The following GLIS3 variants were observed in gnomAD, a reference collection of about 807,000 sequenced individuals.
GLIS3 encodes zinc finger protein GLIS3.
GLIS3 carries 53 observed loss-of-function variants against 78.6 expected under a neutral mutation model. That is an observed-to-expected ratio of 0.67 (90% CI 0.54 to 0.85). The LOEUF (loss-of-function observed/expected upper bound fraction) is 0.85. GLIS3 is among the 40% of genes least tolerant of loss of function. GLIS3 has a pLI of 0.00. For missense variants in GLIS3, 1,703 were observed against 1,231.1 expected, an observed-to-expected ratio of 1.38 and a Z score of -5.74; for synonymous variants, 684 against 509.9, an observed-to-expected ratio of 1.34 and a Z score of -4.60.
At chr9:4,335,722 A>G (rs1007401121) in intron 2 of GLIS3, among the ~76,000 whole-genome samples, 2 of 152,176 alleles carry the variant, frequency 1.3e-5, no homozygotes, top group Non-Finnish European at 2.9e-5. Context: ...GACCTCTCTT[A>G]GAGGCATCCA....
the GLIS3 span, among the ~76,000 whole-genome samples, chr9:4,432,309 G>C: frequency 6.6e-6 from 1 of 152,170 alleles, no homozygotes; most frequent in East Asian, 1.9e-4. Flanking sequence ...TAATTGATCA[G>C]GAAAGGCCAT....
the GLIS3 span, among the ~76,000 whole-genome samples, chr9:4,379,635 T>C: frequency 6.6e-6 from 1 of 152,232 alleles, no homozygotes; most frequent in Non-Finnish European, 1.5e-5. Context: ...GCTGTTTCAG[T>C]GGACCTTGAA....
At chr9:4,094,324 G>C (rs143489412) in intron 4 of GLIS3, among the ~76,000 whole-genome samples, 180 of 152,278 alleles carry the variant, frequency 1.2e-3, no homozygotes, top group African/African-American at 4.1e-3. Context: ...CTCATATGTG[G>C]CTAGTGAGAG....
chr9:4,384,146 C>T, the GLIS3 span, among the ~76,000 whole-genome samples: 6 of 152,292 alleles, frequency 3.9e-5, no homozygotes, highest in African/African-American at 1.2e-4. Context: ...GTACACAGAT[C>T]GTGCCAATGA....
At chr9:4,028,648 T>C (rs1823554684) in intron 4 of GLIS3, among the ~76,000 whole-genome samples, 2 of 152,178 alleles carry the variant, frequency 1.3e-5, no homozygotes, top group African/African-American at 4.8e-5. Context: ...CAGCCATTTT[T>C]CCCCAATGCT....
intron 2 of GLIS3, among the ~76,000 whole-genome samples, chr9:4,190,122 G>C (rs1160667257): frequency 1.3e-5 from 2 of 152,196 alleles, no homozygotes; most frequent in African/African-American, 4.8e-5. Flanking sequence ...AAAAAGCAGA[G>C]CGCCTCTCCT....
At chr9:3,880,633 C>T (rs1821665771) in intron 7 of GLIS3, among the ~76,000 whole-genome samples, 1 of 152,102 alleles carries the variant, frequency 6.6e-6, no homozygotes, top group South Asian at 2.1e-4. Context: ...GAAAGAGAAG[C>T]CACATTATCG....
At chr9:3,904,604 G>A (rs1823535570) in intron 6 of GLIS3, among the ~76,000 whole-genome samples, 1 of 152,182 alleles carries the variant, frequency 6.6e-6, no homozygotes, top group African/African-American at 2.4e-5. Context: ...GGTCAGGAAG[G>A]AGAAAGCATC....
intron 2 of GLIS3, among the ~76,000 whole-genome samples, chr9:4,184,481 C>G (rs937007042): frequency 5.3e-5 from 8 of 152,154 alleles, no homozygotes; most frequent in Non-Finnish European, 8.8e-5. Flanking sequence ...TGGATAAGTC[C>G]CCTTGGTGAG....
chr9:4,068,683 T>C (rs955045795), intron 4 of GLIS3, among the ~76,000 whole-genome samples: 8 of 152,174 alleles, frequency 5.3e-5, no homozygotes, highest in African/African-American at 9.7e-5. Context: ...TCAGTCAACA[T>C]GTACATACAA....
At chr9:4,472,877 A>G in the GLIS3 span, among the ~76,000 whole-genome samples, 1 of 152,236 alleles carries the variant, frequency 6.6e-6, no homozygotes, top group African/African-American at 2.4e-5. Flanking sequence ...ATCTGAAGAT[A>G]ATTATTGTAA....
intron 2 of GLIS3, among the ~76,000 whole-genome samples, chr9:4,151,521 A>G (rs1436557943): frequency 6.6e-6 from 1 of 152,224 alleles, no homozygotes; most frequent in African/African-American, 2.4e-5. Context: ...ACTTGACAGC[A>G]TAATTTTTTT....
chr9:3,924,279 G>T (rs1825079655), intron 6 of GLIS3, among the ~76,000 whole-genome samples: 2 of 152,198 alleles, frequency 1.3e-5, no homozygotes, highest in South Asian at 4.1e-4. Context: ...ACAGTAGACT[G>T]CTATGGATTG....
intron 4 of GLIS3, among the ~76,000 whole-genome samples, chr9:4,097,606 C>T (rs1424232312): frequency 1.3e-5 from 2 of 152,298 alleles, no homozygotes; most frequent in Admixed American, 6.5e-5. Flanking sequence ...ATTTTACCAG[C>T]TTCGCATACT....
chr9:4,283,949 G>T (rs1225438042), intron 2 of GLIS3, among the ~76,000 whole-genome samples: 1 of 152,222 alleles, frequency 6.6e-6, no homozygotes, highest in Non-Finnish European at 1.5e-5. Flanking sequence ...AAGCTAGGAA[G>T]CTGAGCAAGG....
At chr9:4,238,474 G>C (rs1050195729) in intron 2 of GLIS3, among the ~76,000 whole-genome samples, 12 of 152,146 alleles carry the variant, frequency 7.9e-5, no homozygotes, top group African/African-American at 2.9e-4. Context: ...AGACCTAGCA[G>C]TTTACAATAA....
chr9:4,250,743 G>A (rs981122378), intron 2 of GLIS3, among the ~76,000 whole-genome samples: 9 of 152,140 alleles, frequency 5.9e-5, no homozygotes, highest in African/African-American at 1.9e-4. Flanking sequence ...TCTTTTGTGG[G>A]CATTTGGTGC....
chr9:4,288,763 A>C, intron 1 of GLIS3, among the ~76,000 whole-genome samples: 1 of 152,242 alleles, frequency 6.6e-6, no homozygotes, highest in East Asian at 1.9e-4. Flanking sequence ...AAGTATACTT[A>C]AATTTTATTA....
At chr9:4,241,248 G>C (rs553943534) in intron 2 of GLIS3, among the ~76,000 whole-genome samples, 7 of 152,296 alleles carry the variant, frequency 4.6e-5, no homozygotes, top group African/African-American at 1.7e-4. Flanking sequence ...TGAGGCAAAA[G>C]ATGGTGTCTC....
Sources: gnomAD v4.1 joint callset for allele counts (sites outside exome capture counted in the v4.1 genomes callset) on GRCh38, gnomAD v4.1.1 for gene constraint, MANE v1.5 for transcripts, NCBI Gene and HGNC (gene_info 2026-07-23, HGNC 2026-07-21) for gene names.